MSRB3: variants seen among roughly 807,000 people sequenced by gnomAD.
The protein encoded by MSRB3 is methionine-R-sulfoxide reductase B3.
MSRB3 carries 13 observed loss-of-function variants against 21.0 expected under a neutral mutation model. That is an observed-to-expected ratio of 0.62 (90% CI 0.40 to 0.98). The LOEUF is 0.98. MSRB3 is among the 50% of genes least tolerant of loss of function. MSRB3 has a pLI of 0.00. For synonymous variants in MSRB3, 87 were observed against 88.6 expected (o/e 0.98, Z 0.10); for missense variants, 199 against 230.3 (o/e 0.86, Z 0.88).
chr12:65,439,422 A>G (rs1251391620), intron 5 of MSRB3, among the ~76,000 whole-genome samples: 1 of 151,704 alleles, frequency 6.6e-6, no homozygotes, highest in East Asian at 1.9e-4. Flanking sequence ...AGTACAATCA[A>G]CTTTTTTTAA....
intron 4 of MSRB3, among the ~76,000 whole-genome samples, chr12:65,341,346 A>T (rs1305157578): frequency 6.6e-6 from 1 of 151,248 alleles, no homozygotes; most frequent in Non-Finnish European, 1.5e-5. Context: ...TGTGGGTGCT[A>T]AAAATTAAAA....
At chr12:65,396,857 A>G (rs1565872470) in intron 5 of MSRB3, among the ~76,000 whole-genome samples, 2 of 152,184 alleles carry the variant, frequency 1.3e-5, no homozygotes, top group Admixed American at 1.3e-4. Flanking sequence ...AAAGTAGTCT[A>G]TAGATGTTCA....
At chr12:65,299,572 A>G (rs1244650402) in intron 1 of MSRB3, among the ~76,000 whole-genome samples, 1 of 152,232 alleles carries the variant, frequency 6.6e-6, no homozygotes, top group Non-Finnish European at 1.5e-5. Flanking sequence ...ACTTAGTATC[A>G]TGTTCACATC....
rs771438148 is a variant in MSRB3, at chr12:65,368,986, T to C, written c.264-12T>C. On this transcript the variant is annotated splice_polypyrimidine_tract_variant and intron_variant, in intron 4 of 6. Coordinates refer to ENST00000308259, the MANE Select transcript of MSRB3 (RefSeq NM_001031679.3). ...AGTTTTTATATTGTAAAAACTTTCT[T>C]TCTCTTTGCAGGTCAGAAACCAAAT... 1.3e-6 allele frequency: 2 copies of C among 1,527,344 alleles called. No individual in the cohort carries two copies. The allele number at this position is 1,527,344 out of a possible 1,614,324, so 94.6% of individuals were successfully genotyped here.
At chr12:65,296,258 C>T (rs530758071) in intron 1 of MSRB3, among the ~76,000 whole-genome samples, 27 of 152,228 alleles carry the variant, frequency 1.8e-4, no homozygotes, top group African/African-American at 6.3e-4. Context: ...CTCATTCTTT[C>T]CCTGTGCAAA....
chr12:65,441,305 A>G (rs576917256), intron 5 of MSRB3, among the ~76,000 whole-genome samples: 48 of 152,064 alleles, frequency 3.2e-4, no homozygotes, highest in African/African-American at 1.1e-3. Flanking sequence ...TAGAGCTGTC[A>G]ATATGAGGAG....
At chr12:65,337,679 G>A (rs947846692) in intron 4 of MSRB3, among the ~76,000 whole-genome samples, 1 of 152,116 alleles carries the variant, frequency 6.6e-6, no homozygotes, top group African/African-American at 2.4e-5. Flanking sequence ...TACACAGTAA[G>A]CCATAAACAG....
intron 5 of MSRB3, among the ~76,000 whole-genome samples, chr12:65,409,343 A>G (rs1004672783): frequency 5.9e-5 from 9 of 152,110 alleles, no homozygotes; most frequent in East Asian, 3.9e-4. Flanking sequence ...CACCTAGGCT[A>G]TGTAATATAG....
At chr12:65,326,174 G>T (rs920974068) in intron 2 of MSRB3, among the ~76,000 whole-genome samples, 8 of 152,122 alleles carry the variant, frequency 5.3e-5, no homozygotes, top group African/African-American at 1.9e-4. Flanking sequence ...GTAGTTTATT[G>T]AAAGTTTCTT....
chr12:65,280,284 G>GT (rs1411303600), intron 1 of MSRB3, among the ~76,000 whole-genome samples: 1 of 152,136 alleles, frequency 6.6e-6, no homozygotes, highest in African/African-American at 2.4e-5. Context: ...AAAAAACCCT[G>GT]TTTTTTATAG....
chr12:65,301,416 G>A (rs890098969), intron 1 of MSRB3, among the ~76,000 whole-genome samples: 5 of 152,234 alleles, frequency 3.3e-5, no homozygotes, highest in South Asian at 2.1e-4. Flanking sequence ...AAATCTACAC[G>A]GAAATTTTGG....
chr12:65,362,152 T>G (rs747807558), intron 4 of MSRB3, among the ~76,000 whole-genome samples: 47 of 152,102 alleles, frequency 3.1e-4, no homozygotes, highest in Non-Finnish European at 1.0e-4. Flanking sequence ...GGAATAGAAA[T>G]GATATCAGAG....
intron 5 of MSRB3, among the ~76,000 whole-genome samples, chr12:65,377,654 A>T (rs899615838): frequency 6.6e-6 from 1 of 152,204 alleles, no homozygotes; most frequent in Non-Finnish European, 1.5e-5. Flanking sequence ...AGTTCCATGA[A>T]GTTGGAAATT....
Position 65,463,821 on chromosome 12 carries a change from A to G in MSRB3, c.*499A>G. The G allele has an allele frequency of 7.2e-6, 1 of 139,382 alleles. No individual in the cohort carries two copies. Among genetic ancestry groups the G allele is most frequent in the Non-Finnish European group, 1.5e-5 (1 of 65,870 alleles). 8.6% of individuals were successfully genotyped at this position (139,382 alleles called of 1,614,324 possible). ...ACTGTTCAGCTTTGTGGAAAGTTTG[A>G]GCTAAGGTCATTTTTTTTTTTCTCA... On this transcript the variant is annotated 3_prime_UTR_variant, in exon 7 of 7. Transcript: ENST00000308259.
intron 2 of MSRB3, among the ~76,000 whole-genome samples, chr12:65,320,204 T>A (rs1279269598): frequency 3.3e-5 from 5 of 152,174 alleles, no homozygotes; most frequent in Non-Finnish European, 7.3e-5. Context: ...AAAGATATGA[T>A]TTTTCTTACA....
intron 1 of MSRB3, chr12:65,284,174 T>C (rs1424983011): frequency 6.6e-6 from 1 of 152,146 alleles, no homozygotes; most frequent in Non-Finnish European, 1.5e-5. Context: ...GGAACTTGGA[T>C]TGGGTTAGTA....
chr12:65,447,536 C>G (rs1461802581), intron 5 of MSRB3, among the ~76,000 whole-genome samples: 1 of 151,798 alleles, frequency 6.6e-6, no homozygotes, highest in East Asian at 1.9e-4. Context: ...AAAAAAATAC[C>G]TACAATGCAA....
intron 5 of MSRB3, among the ~76,000 whole-genome samples, chr12:65,426,507 A>G (rs1162581605): frequency 1.3e-5 from 2 of 152,158 alleles, no homozygotes; most frequent in African/African-American, 4.8e-5. Context: ...GTTTGATTAT[A>G]GTATGTCTTG....
intron 5 of MSRB3, among the ~76,000 whole-genome samples, chr12:65,373,524 T>C (rs1170269025): frequency 6.6e-6 from 1 of 152,122 alleles, no homozygotes; most frequent in Non-Finnish European, 1.5e-5. Context: ...GATTTTTTTT[T>C]TCTATAGAGT....
Sources: gnomAD v4.1 joint callset for allele counts (sites outside exome capture counted in the v4.1 genomes callset) on GRCh38, gnomAD v4.1.1 for gene constraint, MANE v1.5 for transcripts, NCBI Gene and HGNC (gene_info 2026-07-23, HGNC 2026-07-21) for gene names.